The following NFIA variants were observed in gnomAD, a reference collection of about 807,000 sequenced individuals.
NFIA encodes the protein nuclear factor I A.
A neutral mutation model predicts 62.8 loss-of-function variants in NFIA; 8 were observed. The observed-to-expected ratio is 0.13, with a 90% CI of 0.07 to 0.23. NFIA has a LOEUF of 0.23. Ranked by LOEUF, NFIA falls within the 10% of genes least tolerant of loss-of-function variation. NFIA has a pLI of 1.00. For synonymous variants in NFIA, 235 were observed against 238.1 expected (o/e 0.99, Z 0.12); for missense variants, 410 against 642.1 (o/e 0.64, Z 3.91).
Position 61,169,923 on chromosome 1 carries a change from G to A in NFIA, c.559+81243G>A, listed in dbSNP as rs148704330. 9.1e-3 allele frequency among the ~76,000 whole-genome samples: 1,388 copies of A among 152,100 alleles called. 17 individuals are homozygous for A. Among genetic ancestry groups the A allele is most frequent in the Middle Eastern group, 0.061 (18 of 294 alleles). On this transcript the variant is annotated intron_variant, in intron 2 of 10. Coordinates refer to ENST00000403491, the MANE Select transcript of NFIA (RefSeq NM_001134673.4). Reference sequence around the variant, plus strand: ...CAAAGATTTTTAGCTTTCTTCTTTGGTATTTAAATAAAAGTAATGTTATTT... The same window carrying A: ...CAAAGATTTTTAGCTTTCTTCTTTGATATTTAAATAAAAGTAATGTTATTT...
chr1:61,409,777 G>C (rs750616103), intron 9 of NFIA, among the ~76,000 whole-genome samples: 3 of 152,170 alleles, frequency 2.0e-5, no homozygotes, highest in Admixed American at 6.5e-5. Context: ...GCGGGTGGCA[G>C]TGTGCTTCCC....
chr1:61,300,651 A>ATATG (rs1295179605), intron 3 of NFIA, among the ~76,000 whole-genome samples: 1 of 152,026 alleles, frequency 6.6e-6, no homozygotes, highest in Non-Finnish European at 1.5e-5. Context: ...ACACATATAT[A>ATATG]TATGTATGTA....
chr1:61,294,845 G>C (rs1488159982), intron 3 of NFIA, among the ~76,000 whole-genome samples: 1 of 152,188 alleles, frequency 6.6e-6, no homozygotes, highest in Non-Finnish European at 1.5e-5. Flanking sequence ...GAACAGTGCT[G>C]TCCGTATTCA....
chr1:61,101,131 C>T (rs574950688), intron 2 of NFIA, among the ~76,000 whole-genome samples: 19 of 152,230 alleles, frequency 1.2e-4, no homozygotes, highest in African/African-American at 4.6e-4. Flanking sequence ...CACAGTGGCT[C>T]ATGCCTGTAA....
intron 2 of NFIA, among the ~76,000 whole-genome samples, chr1:61,109,224 T>G (rs1646654674): frequency 6.6e-6 from 1 of 151,958 alleles, no homozygotes; most frequent in Non-Finnish European, 1.5e-5. Flanking sequence ...TAGAAAGCTA[T>G]TAAGCAGTCA....
At chr1:61,313,854 CT>C (rs1316302121) in intron 3 of NFIA, among the ~76,000 whole-genome samples, 1 of 152,206 alleles carries the variant, frequency 6.6e-6, no homozygotes, top group Non-Finnish European at 1.5e-5. Flanking sequence ...GGAACAGTGC[CT>C]TAGTTAATTA....
At chr1:61,288,739 C>T (rs1000595743) in intron 3 of NFIA, among the ~76,000 whole-genome samples, 1 of 152,094 alleles carries the variant, frequency 6.6e-6, no homozygotes, top group Non-Finnish European at 1.5e-5. Context: ...ACAGTTCTGA[C>T]AGGTGGGAAA....
At chr1:61,142,109 T>A (rs1189205184) in intron 2 of NFIA, among the ~76,000 whole-genome samples, 1 of 151,836 alleles carries the variant, frequency 6.6e-6, no homozygotes, top group African/African-American at 2.4e-5. Context: ...AAAAAAAAAA[T>A]TGTGCTTTTG....
Position 61,406,542 on chromosome 1 carries a change from T to TGGGGGGG in NFIA, c.1255-19_1255-18insGGGGGGG. 1.9e-4 allele frequency: 236 copies of TGGGGGGG among 1,253,326 alleles called. No homozygotes were observed. The highest frequency in any genetic ancestry group is 5.8e-4 in the East Asian group (19 of 32,694). The allele number at this position is 1,253,326 out of a possible 1,614,324, so 77.6% of individuals were successfully genotyped here. On this transcript the variant is annotated intron_variant, in intron 8 of 10. Transcript: ENST00000403491. ...TTCTTTTTCTTGTACGTGTGTTTTC[T>TGGGGGGG]GCCCCCCCCCCCCCCACAGCCCAAT...
At chr1:61,083,408 G>A (rs1259791681) in intron 1 of NFIA, among the ~76,000 whole-genome samples, 1 of 152,106 alleles carries the variant, frequency 6.6e-6, no homozygotes, top group Non-Finnish European at 1.5e-5. Context: ...TCTTACTTTT[G>A]TTTATTGTTT....
At chr1:61,441,292 G>GGTGTGTGTGTGTGTGTGTGTGT (rs763246425) in intron 10 of NFIA, among the ~76,000 whole-genome samples, 22 of 139,462 alleles carry the variant, frequency 1.6e-4, no homozygotes, top group African/African-American at 5.6e-4. Context: ...GCCGTGCAGG[G>GGTGTGTGTGTGTGTGTGTGTGT]GTGTGTGTGT....
intron 6 of NFIA, among the ~76,000 whole-genome samples, chr1:61,371,469 A>T (rs952586532): frequency 5.3e-5 from 8 of 151,390 alleles, no homozygotes; most frequent in Non-Finnish European, 1.0e-4. Flanking sequence ...CATTTAGAAT[A>T]AAAAAAAATC....
In NFIA at chr1:61,406,552, C is replaced by A. The variant is rs746854752; in HGVS notation, c.1255-10C>A. 75 of 1,250,790 alleles carry A rather than the reference C, an allele frequency of 6.0e-5. 5 individuals carry two copies. Among genetic ancestry groups the A allele is most frequent in the South Asian group, 4.0e-4 (27 of 68,144 alleles). The allele number at this position is 1,250,790 out of a possible 1,614,324, so 77.5% of individuals were successfully genotyped here. On this transcript the variant is annotated splice_polypyrimidine_tract_variant and intron_variant, in intron 8 of 10. Transcript: ENST00000403491. Reference sequence around the variant, plus strand: ...TGTACGTGTGTTTTCTGCCCCCCCCCCCCCCACAGCCCAATGGGAGCAGCC... The same window carrying A: ...TGTACGTGTGTTTTCTGCCCCCCCCACCCCCACAGCCCAATGGGAGCAGCC...
At chr1:61,110,699 C>T (rs1646680794) in intron 2 of NFIA, among the ~76,000 whole-genome samples, 1 of 151,980 alleles carries the variant, frequency 6.6e-6, no homozygotes, top group African/African-American at 2.4e-5. Flanking sequence ...ATTTATATGT[C>T]AGACTGATAA....
chr1:61,272,035 A>T (rs1657536915), intron 2 of NFIA, among the ~76,000 whole-genome samples: 1 of 152,118 alleles, frequency 6.6e-6, no homozygotes. Context: ...GACCTTAAAT[A>T]TTAGTTTGGT....
chr1:61,426,802 C>T (rs1304271943), intron 10 of NFIA, among the ~76,000 whole-genome samples: 2 of 152,004 alleles, frequency 1.3e-5, no homozygotes, highest in Admixed American at 6.6e-5. Context: ...AAAAGGTTTC[C>T]CAGTGTTAGC....
intron 8 of NFIA, 22 bp from the exon 9 acceptor site, chr1:61,406,540 T>G: frequency 6.8e-7 from 1 of 1,473,648 alleles, no homozygotes; most frequent in Non-Finnish European, 9.2e-7. Context: ...ACGTGTGTTT[T>G]CTGCCCCCCC....
chr1:61,451,789 G>A (rs1351882445), intron 10 of NFIA, among the ~76,000 whole-genome samples: 1 of 152,196 alleles, frequency 6.6e-6, no homozygotes, highest in East Asian at 1.9e-4. Flanking sequence ...CATAGGGAGG[G>A]AGATTCCTTT....
chr1:61,117,333 A>G (rs1459910155), intron 2 of NFIA, among the ~76,000 whole-genome samples: 1 of 152,180 alleles, frequency 6.6e-6, no homozygotes, highest in Non-Finnish European at 1.5e-5. Flanking sequence ...TGATGGAAGA[A>G]TGAGCCCCAG....
Sources: gnomAD v4.1 joint callset for allele counts (sites outside exome capture counted in the v4.1 genomes callset) on GRCh38, gnomAD v4.1.1 for gene constraint, MANE v1.5 for transcripts, NCBI Gene and HGNC (gene_info 2026-07-23, HGNC 2026-07-21) for gene names.